Variants in ILRUN observed in about 807,000 individuals in gnomAD.
ILRUN encodes the protein inflammation and lipid regulator with UBA-like and NBR1-like domains.
Under a neutral mutation model 33.8 loss-of-function variants are expected in ILRUN, and 3 were observed. That is an observed-to-expected ratio of 0.09 (90% CI 0.04 to 0.23). ILRUN has a LOEUF of 0.23. Ranked by LOEUF, ILRUN falls within the 10% of genes least tolerant of loss-of-function variation. The pLI is 1.00. For missense variants in ILRUN, 210 were observed against 375.1 expected (o/e 0.56, Z 3.64); for synonymous variants, 124 against 138.9 (o/e 0.89, Z 0.75).
At chr6:34,654,918 T>C (rs970465533) in intron 1 of ILRUN, 139 bp from the exon 2 acceptor site, 4 of 654,522 alleles carry the variant, frequency 6.1e-6, no homozygotes, top group African/African-American at 5.6e-5. Context: ...TAAAGCCTTC[T>C]ATTCTGGCTG....
At chr6:34,648,771 C>CACATACACACACATAT (rs1330423588) in intron 2 of ILRUN, among the ~76,000 whole-genome samples, 4 of 152,164 alleles carry the variant, frequency 2.6e-5, no homozygotes, top group Non-Finnish European at 1.5e-5. Context: ...TTAAGATACA[C>CACATACACACACATAT]ACATACACAC....
At chr6:34,628,946 C>T (rs1272302138) in intron 3 of ILRUN, among the ~76,000 whole-genome samples, 2 of 152,044 alleles carry the variant, frequency 1.3e-5, no homozygotes, top group African/African-American at 4.8e-5. Flanking sequence ...GGAATGCTGT[C>T]TCTACCAAAA....
At chr6:34,599,724 C>G (rs978038985) in intron 4 of ILRUN, among the ~76,000 whole-genome samples, 3 of 152,214 alleles carry the variant, frequency 2.0e-5, no homozygotes, top group African/African-American at 7.2e-5. Flanking sequence ...CTCTCCTACA[C>G]TCTATATCCA....
At chr6:34,683,518 A>ATATG (rs1562033420) in intron 1 of ILRUN, among the ~76,000 whole-genome samples, 1 of 99,632 alleles carries the variant, frequency 1.0e-5, no homozygotes, top group Non-Finnish European at 1.9e-5. Context: ...ATATATACAT[A>ATATG]TATATATATA....
intron 1 of ILRUN, among the ~76,000 whole-genome samples, chr6:34,678,337 G>A (rs541749634): frequency 6.6e-6 from 1 of 151,910 alleles, no homozygotes; most frequent in African/African-American, 2.4e-5. Context: ...CACCACACCC[G>A]GCTCTAATTT....
At chr6:34,593,945 G>A (rs184822813) in intron 4 of ILRUN, among the ~76,000 whole-genome samples, 24 of 152,144 alleles carry the variant, frequency 1.6e-4, no homozygotes, top group African/African-American at 5.3e-4. Flanking sequence ...GAAGACCATC[G>A]CGGTACCTTC....
chr6:34,633,040 A>T lies in ILRUN; in HGVS notation c.511+13561T>A, dbSNP rs538649137. ...AGGAAAAAAGATCCAACTACATGCT[A>T]TCTATAAGAAACTCCAAATAAAATG... On this transcript the variant is annotated intron_variant, in intron 3 of 4. Coordinates refer to ENST00000374023, the MANE Select transcript of ILRUN (RefSeq NM_024294.4). Among the ~76,000 whole-genome samples, 6 of 152,320 alleles carry T rather than the reference A, an allele frequency of 3.9e-5. No homozygotes were observed. In the East Asian group the frequency reaches 1.2e-3, roughly 29 times the overall value.
chr6:34,669,289 ATTTT>A (rs35216384), intron 1 of ILRUN, among the ~76,000 whole-genome samples: 1 of 118,446 alleles, frequency 8.4e-6, no homozygotes, highest in Non-Finnish European at 1.7e-5. Flanking sequence ...ACACCCAGCT[ATTTT>A]TTTTTTTTTT....
At chr6:34,624,239 T>C (rs763336517) in intron 3 of ILRUN, among the ~76,000 whole-genome samples, 1 of 152,250 alleles carries the variant, frequency 6.6e-6, no homozygotes, top group African/African-American at 2.4e-5. Flanking sequence ...GAATAAGATA[T>C]TGAAGAAATA....
At position 34,670,483 on chromosome 6, in the gene ILRUN, C is replaced by T. The variant is rs570601320; in HGVS notation, c.159-15704G>A. Among the ~76,000 whole-genome samples, 206 of 152,170 alleles carry T rather than the reference C, an allele frequency of 1.4e-3. 1 individual carries two copies. Among genetic ancestry groups the T allele is most frequent in the Non-Finnish European group, 2.4e-3 (162 of 68,008 alleles). On this transcript the variant is annotated intron_variant, in intron 1 of 4. Transcript: ENST00000374023. ...GGCAAAATGGTGATAACTAGTGAAT[C>T]TATGGGAAGAGTATACACAATCACC...
At chr6:34,686,999 G>C (rs1763536017) in intron 1 of ILRUN, 5 of 185,312 alleles carry the variant, frequency 2.7e-5, no homozygotes, top group Admixed American at 2.6e-4. Context: ...GCTGAGGCTA[G>C]AGTGCATGGA....
At chr6:34,609,107 A>G (rs1761692442) in intron 3 of ILRUN, among the ~76,000 whole-genome samples, 1 of 152,230 alleles carries the variant, frequency 6.6e-6, no homozygotes, top group African/African-American at 2.4e-5. Flanking sequence ...TCCTAGAACA[A>G]ACACTAAAAA....
In ILRUN at chr6:34,635,612, CTTTTTTTT is replaced by C. The variant is rs778064465; in HGVS notation, c.511+10981_511+10988del. Among the ~76,000 whole-genome samples, 10 of 104,576 alleles carry C rather than the reference CTTTTTTTT, an allele frequency of 9.6e-5. No individual in the cohort carries two copies. In the Admixed American group the frequency reaches 9.7e-4, roughly 10 times the overall value. The allele number at this position is 104,576 out of a possible 152,430, so 68.6% of individuals were successfully genotyped here. A position where few individuals can be genotyped will look rare whatever the true frequency, so the allele number is the denominator to read the frequency against. On this transcript the variant is annotated intron_variant, in intron 3 of 4. Transcript: ENST00000374023. ...GGGAGGAAAAGAAACTCTTAGAAAG[CTTTTTTTT>C]TTTTTTTTTTTTGAGACACAGTCTT...
intron 1 of ILRUN, among the ~76,000 whole-genome samples, chr6:34,679,602 T>C (rs1268560979): frequency 2.0e-5 from 3 of 152,238 alleles, no homozygotes; most frequent in East Asian, 1.9e-4. Flanking sequence ...AAAATGGTTA[T>C]ATCATTCAGT....
intron 3 of ILRUN, among the ~76,000 whole-genome samples, chr6:34,609,720 T>C (rs1303513100): frequency 6.6e-6 from 1 of 152,192 alleles, no homozygotes; most frequent in Non-Finnish European, 1.5e-5. Flanking sequence ...AGTCAGGCCC[T>C]AGTAAGTGGA....
intron 3 of ILRUN, among the ~76,000 whole-genome samples, chr6:34,613,085 C>T (rs971888340): frequency 1.3e-5 from 2 of 151,746 alleles, no homozygotes; most frequent in African/African-American, 4.8e-5. Context: ...GTGGTGTGCA[C>T]CTGTAGTCTC....
intron 3 of ILRUN, among the ~76,000 whole-genome samples, chr6:34,625,734 A>C (rs1402992915): frequency 6.6e-6 from 1 of 152,086 alleles, no homozygotes. Flanking sequence ...AATTTAATTT[A>C]GTTAAAAGAC....
At position 34,643,998 on chromosome 6, in the gene ILRUN, G is replaced by A. The variant is rs143269227; in HGVS notation, c.511+2603C>T. Among the ~76,000 whole-genome samples the A allele has an allele frequency of 1.5e-3, 231 of 152,168 alleles. 1 individual carries two copies. Among genetic ancestry groups the A allele is most frequent in the African/African-American group, 5.2e-3 (214 of 41,510 alleles). Reference sequence around the variant, plus strand: ...ATTACAGGCTTGAACCACTGCACCCGGCCTTTACTTTTATTTTTTAATTCC... The same window carrying A: ...ATTACAGGCTTGAACCACTGCACCCAGCCTTTACTTTTATTTTTTAATTCC... On this transcript the variant is annotated intron_variant, in intron 3 of 4. Coordinates refer to ENST00000374023, the MANE Select transcript of ILRUN (RefSeq NM_024294.4).
At position 34,673,832 on chromosome 6, in the gene ILRUN, T is replaced by C. The variant is rs796536286; in HGVS notation, c.159-19053A>G. On this transcript the variant is annotated intron_variant, in intron 1 of 4. Coordinates refer to ENST00000374023, the MANE Select transcript of ILRUN (RefSeq NM_024294.4). Reference sequence around the variant, plus strand: ...TGTCTCAAAAACAGTAACAACCACATACACACACACACACACACACACACA... The same window carrying C: ...TGTCTCAAAAACAGTAACAACCACACACACACACACACACACACACACACA... Among the ~76,000 whole-genome samples the C allele has an allele frequency of 4.6e-3, 515 of 111,088 alleles. 8 individuals carry two copies. The highest frequency in any genetic ancestry group is 0.031 in the Middle Eastern group (7 of 228). The allele number at this position is 111,088 out of a possible 152,430, so 72.9% of individuals were successfully genotyped here.
Sources: gnomAD v4.1 joint callset for allele counts (sites outside exome capture counted in the v4.1 genomes callset) on GRCh38, gnomAD v4.1.1 for gene constraint, MANE v1.5 for transcripts, NCBI Gene and HGNC (gene_info 2026-07-23, HGNC 2026-07-21) for gene names.